Variants in TDRD3 observed in about 807,000 individuals in gnomAD.
The protein encoded by TDRD3 is tudor domain containing 3.
Under a neutral mutation model 86.7 loss-of-function variants are expected in TDRD3, and 45 were observed. The observed-to-expected ratio is 0.52, with a 90% CI of 0.41 to 0.67. TDRD3 has a LOEUF of 0.67. Among genes scored for constraint, TDRD3 ranks in the 30% least tolerant of loss-of-function variants. The pLI, the probability that TDRD3 is intolerant of heterozygous loss-of-function variation, is 0.00. For missense variants in TDRD3, 814 were observed against 889.0 expected (o/e 0.92, Z 1.07); for synonymous variants, 298 against 301.7 (o/e 0.99, Z 0.13).
intron 5 of TDRD3, among the ~76,000 whole-genome samples, chr13:60,477,043 C>A (rs1956200289): frequency 6.6e-6 from 1 of 151,464 alleles, no homozygotes; most frequent in African/African-American, 2.4e-5. Flanking sequence ...TCATATATTT[C>A]TTTCTCTTGC....
intron 1 of TDRD3, among the ~76,000 whole-genome samples, chr13:60,409,468 C>A (rs1216229003): frequency 6.6e-6 from 1 of 152,188 alleles, no homozygotes; most frequent in Non-Finnish European, 1.5e-5. Flanking sequence ...AGGCTGTATC[C>A]TGTAAAGCCA....
chr13:60,424,493 A>G (rs555353656), intron 1 of TDRD3, among the ~76,000 whole-genome samples: 1 of 152,006 alleles, frequency 6.6e-6, no homozygotes, highest in East Asian at 2.0e-4. Context: ...CCTGGCCAAC[A>G]TGGCAAAACC....
At chr13:60,550,369 T>A (rs921187862) in intron 12 of TDRD3, among the ~76,000 whole-genome samples, 7 of 152,150 alleles carry the variant, frequency 4.6e-5, no homozygotes, top group African/African-American at 1.7e-4. Context: ...GTGAAGAATT[T>A]GGTGTGAAAA....
At chr13:60,514,598 G>A (rs973169277) in intron 10 of TDRD3, among the ~76,000 whole-genome samples, 1 of 152,144 alleles carries the variant, frequency 6.6e-6, no homozygotes, top group Non-Finnish European at 1.5e-5. Context: ...AAGTGTTGGG[G>A]CAGTCCAAGT....
chr13:60,403,301 A>G (rs1378986392), intron 1 of TDRD3, among the ~76,000 whole-genome samples: 1 of 152,250 alleles, frequency 6.6e-6, no homozygotes, highest in Admixed American at 6.5e-5. Context: ...CTAAAATTGC[A>G]TAGTAACATT....
chr13:60,522,839 C>T (rs1957319460), intron 10 of TDRD3, among the ~76,000 whole-genome samples: 1 of 152,122 alleles, frequency 6.6e-6, no homozygotes, highest in Admixed American at 6.5e-5. Context: ...TGAACAGATA[C>T]AGGTGATAAA....
intron 1 of TDRD3, among the ~76,000 whole-genome samples, chr13:60,408,485 C>T (rs939834304): frequency 6.6e-6 from 1 of 152,060 alleles, no homozygotes; most frequent in Admixed American, 6.6e-5. Flanking sequence ...TAGCTTTGCC[C>T]AAAATGCTGA....
intron 10 of TDRD3, 36 bp from the exon 11 acceptor site, chr13:60,528,330 CA>C: frequency 6.5e-7 from 1 of 1,536,264 alleles, no homozygotes; most frequent in Non-Finnish European, 8.7e-7. Context: ...GCAGAGTCTT[CA>C]TCTTAATTTG....
intron 8 of TDRD3, among the ~76,000 whole-genome samples, chr13:60,495,881 C>T (rs1252814455): frequency 6.6e-6 from 1 of 152,110 alleles, no homozygotes; most frequent in Non-Finnish European, 1.5e-5. Flanking sequence ...AGCTGCATAA[C>T]TCTTAAACCA....
At chr13:60,514,117 G>A (rs1383035649) in intron 10 of TDRD3, among the ~76,000 whole-genome samples, 4 of 152,168 alleles carry the variant, frequency 2.6e-5, no homozygotes, top group African/African-American at 2.4e-5. Flanking sequence ...CCAGGCTGAG[G>A]TGGTCTCAGA....
intron 8 of TDRD3, among the ~76,000 whole-genome samples, chr13:60,505,328 T>C (rs1956912986): frequency 6.6e-6 from 1 of 152,190 alleles, no homozygotes; most frequent in Non-Finnish European, 1.5e-5. Context: ...CACCAGGAAG[T>C]TCTCACTGGG....
upstream of TDRD3, chr13:60,396,787 C>T (rs965777005): frequency 1.3e-5 from 2 of 152,216 alleles, no homozygotes; most frequent in African/African-American, 2.4e-5. Flanking sequence ...GTGAAGGGAA[C>T]GAGTGTTTAT....
chr13:60,573,695 A>AT lies in TDRD3; in HGVS notation c.*90dup. 2.1e-6 allele frequency: 2 copies of AT among 967,960 alleles called. No individual in the cohort carries two copies. The highest frequency in any genetic ancestry group is 2.5e-6 in the Non-Finnish European group (2 of 813,980). 60.0% of individuals were successfully genotyped at this position (967,960 alleles called of 1,614,324 possible). ...ACAGACCTTCCACTTTCTCTTCAGA[A>AT]TAAGTAGCTGTGGTGGATATTATTA... On this transcript the variant is annotated 3_prime_UTR_variant, in exon 14 of 14. Coordinates refer to ENST00000377881, the MANE Select transcript of TDRD3 (RefSeq NM_001146070.2).
chr13:60,463,084 T>C (rs1955836224), intron 4 of TDRD3, among the ~76,000 whole-genome samples: 1 of 152,142 alleles, frequency 6.6e-6, no homozygotes, highest in African/African-American at 2.4e-5. Flanking sequence ...AATTCCCGTC[T>C]CTCACCATAT....
chr13:60,404,444 G>A (rs2137803917), intron 1 of TDRD3, among the ~76,000 whole-genome samples: 1 of 149,854 alleles, frequency 6.7e-6, no homozygotes, highest in Non-Finnish European at 1.5e-5. Flanking sequence ...CCAAGTAGCT[G>A]GGACTACAGG....
intron 8 of TDRD3, among the ~76,000 whole-genome samples, chr13:60,497,465 G>A (rs569640987): frequency 8.5e-5 from 13 of 152,298 alleles, no homozygotes; most frequent in East Asian, 5.8e-4. Context: ...ACTAAGCTCC[G>A]TGTTTAAAGG....
intron 3 of TDRD3, among the ~76,000 whole-genome samples, chr13:60,449,425 C>T (rs557453348): frequency 6.6e-6 from 1 of 152,084 alleles, no homozygotes; most frequent in South Asian, 2.1e-4. Context: ...TTCAACTTAC[C>T]TTTTTCTGTT....
At chr13:60,400,592 C>T (rs1405766115) in intron 1 of TDRD3, among the ~76,000 whole-genome samples, 1 of 151,936 alleles carries the variant, frequency 6.6e-6, no homozygotes, top group Non-Finnish European at 1.5e-5. Context: ...AAAAAATTAG[C>T]CAGGCGTGGT....
At chr13:60,465,915 G>C (rs1347897935) in intron 4 of TDRD3, among the ~76,000 whole-genome samples, 1 of 152,070 alleles carries the variant, frequency 6.6e-6, no homozygotes, top group African/African-American at 2.4e-5. Context: ...TGGTGTGTAT[G>C]CTTTTATTTT....
Sources: allele counts gnomAD v4.1 joint callset (sites outside exome capture counted in the v4.1 genomes callset), GRCh38; gene constraint gnomAD v4.1.1; transcripts MANE v1.5; gene names NCBI Gene and HGNC (gene_info 2026-07-23, HGNC 2026-07-21).